CLSTN2: variants seen among roughly 807,000 people sequenced by gnomAD.
CLSTN2 encodes the protein calsyntenin 2, also known as calsyntenin-2.
A neutral mutation model predicts 101.2 loss-of-function variants in CLSTN2; 48 were observed. That is an observed-to-expected ratio of 0.47 (90% CI 0.38 to 0.60). The LOEUF (loss-of-function observed/expected upper bound fraction) is 0.60, where lower values mean the gene tolerates loss of function less well. Ranked by LOEUF, CLSTN2 falls within the 20% of genes least tolerant of loss-of-function variation. CLSTN2 has a pLI of 0.00. For synonymous variants in CLSTN2, 481 were observed against 463.6 expected (o/e 1.04, Z -0.48); for missense variants, 1,160 against 1,238.2 (o/e 0.94, Z 0.95).
At chr3:140,185,523 CA>C (rs2010473504) in intron 2 of CLSTN2, among the ~76,000 whole-genome samples, 2 of 152,116 alleles carry the variant, frequency 1.3e-5, no homozygotes, top group Admixed American at 1.3e-4. Flanking sequence ...GGTCAAATTT[CA>C]AGCCCCATGA....
chr3:140,558,785 A>T lies in CLSTN2; in HGVS notation c.1969A>T (p.Thr657Ser), dbSNP rs1208132779. The T allele has an allele frequency of 6.2e-7, 1 of 1,613,910 alleles. No individual in the cohort carries two copies. The highest frequency in any genetic ancestry group is 2.2e-5 in the East Asian group (1 of 44,862). ...AAQFESARGV[T>S]LFPDIKIVST... is the part of the protein sequence containing the mutation. ...CCAGTTTGAAAGTGCCAGGGGAGTG[A>T]CCCTCTTCCCTGATATCAAGATTGT... The change falls in exon 12 of 17, where the codon ACC becomes TCC. Residue 657 changes from threonine to serine, a missense_variant. Physicochemically the swap from Thr to Ser is moderately conservative, Grantham distance 58. Coordinates refer to ENST00000458420, the MANE Select transcript of CLSTN2 (RefSeq NM_022131.3).
At chr3:140,077,093 C>T (rs1340633538) in intron 1 of CLSTN2, among the ~76,000 whole-genome samples, 1 of 152,124 alleles carries the variant, frequency 6.6e-6, no homozygotes, top group East Asian at 1.9e-4. Context: ...CAAATTCTCT[C>T]AATGAAATGG....
chr3:140,442,924 G>T (rs548780313), intron 5 of CLSTN2, among the ~76,000 whole-genome samples: 3 of 151,846 alleles, frequency 2.0e-5, no homozygotes, highest in East Asian at 1.9e-4. Flanking sequence ...GCTGAGCAAA[G>T]GTACCCTCCT....
At chr3:140,462,231 A>G (rs1933581508) in intron 7 of CLSTN2, among the ~76,000 whole-genome samples, 1 of 152,204 alleles carries the variant, frequency 6.6e-6, no homozygotes. Flanking sequence ...ATATAACATT[A>G]TCTCCACATC....
intron 1 of CLSTN2, among the ~76,000 whole-genome samples, chr3:139,979,958 G>GT (rs1935887988): frequency 1.3e-5 from 2 of 151,930 alleles, no homozygotes; most frequent in South Asian, 4.2e-4. Flanking sequence ...ACTCTTGTCT[G>GT]TTTCTCTCAC....
At chr3:140,103,565 G>A (rs537617444) in intron 1 of CLSTN2, among the ~76,000 whole-genome samples, 9 of 152,186 alleles carry the variant, frequency 5.9e-5, no homozygotes, top group Admixed American at 3.3e-4. Context: ...TATTTTTCAG[G>A]GTCCTTTTGA....
intron 1 of CLSTN2, among the ~76,000 whole-genome samples, chr3:140,172,747 CA>C (rs1173896387): frequency 6.6e-6 from 1 of 152,134 alleles, no homozygotes; most frequent in Non-Finnish European, 1.5e-5. Flanking sequence ...ACATGCATGG[CA>C]ACAGGCAAAG....
chr3:140,261,702 G>A (rs965459506), intron 2 of CLSTN2, among the ~76,000 whole-genome samples: 11 of 151,478 alleles, frequency 7.3e-5, no homozygotes, highest in South Asian at 2.1e-4. Flanking sequence ...CATATTGTAC[G>A]TGTGTGTGTG....
rs1160839755 is a variant in CLSTN2 at position 140,566,342 on chromosome 3, G to A, written c.*89G>A. On this transcript the variant is annotated 3_prime_UTR_variant, in exon 17 of 17. Transcript: ENST00000458420. ...ATGTCTATCATACCTCACCTCTGAT[G>A]TCTGTGACATGTCTGGGAAGGCCTT... The A allele has an allele frequency of 6.1e-6, 8 of 1,310,966 alleles. No homozygotes were observed. The highest frequency in any genetic ancestry group is 8.5e-6 in the Non-Finnish European group (8 of 937,418). 81.2% of individuals were successfully genotyped at this position (1,310,966 alleles called of 1,614,324 possible).
chr3:140,312,477 G>T (rs963716340), intron 2 of CLSTN2, among the ~76,000 whole-genome samples: 12 of 152,176 alleles, frequency 7.9e-5, no homozygotes, highest in African/African-American at 2.9e-4. Flanking sequence ...GACAGCCATG[G>T]TTATCATCTT....
In CLSTN2 at chr3:139,954,964, G is replaced by A. The variant is rs140234712; in HGVS notation, c.109+19481G>A. Among the ~76,000 whole-genome samples, 274 of 151,758 alleles carry A rather than the reference G, an allele frequency of 1.8e-3. 1 individual carries two copies. The highest frequency in any genetic ancestry group is 6.3e-3 in the African/African-American group (261 of 41,366). ...CACATGGCCCAGCTTAAATGGATGG[G>A]ATTTAGTATCTTTTACTTTTTTGAC... On this transcript the variant is annotated intron_variant, in intron 1 of 16. Coordinates refer to ENST00000458420, the MANE Select transcript of CLSTN2 (RefSeq NM_022131.3).
At chr3:140,207,924 G>T (rs1305569372) in intron 2 of CLSTN2, among the ~76,000 whole-genome samples, 1 of 151,972 alleles carries the variant, frequency 6.6e-6, no homozygotes, top group African/African-American at 2.4e-5. Flanking sequence ...TTCTTGTTTT[G>T]TAAGTTTAAT....
chr3:140,212,512 C>T (rs1298308192), intron 2 of CLSTN2, among the ~76,000 whole-genome samples: 5 of 152,182 alleles, frequency 3.3e-5, no homozygotes, highest in Non-Finnish European at 5.9e-5. Context: ...GAGAACCACC[C>T]AAAGCCTCTC....
intron 1 of CLSTN2, among the ~76,000 whole-genome samples, chr3:140,098,752 T>C (rs2107789002): frequency 6.6e-6 from 1 of 152,354 alleles, no homozygotes; most frequent in Non-Finnish European, 1.5e-5. Flanking sequence ...AAATATCTTA[T>C]TCTATGGGAT....
At chr3:140,474,527 GA>G (rs1252622323) in intron 8 of CLSTN2, among the ~76,000 whole-genome samples, 9 of 152,150 alleles carry the variant, frequency 5.9e-5, no homozygotes, top group Non-Finnish European at 4.4e-5. Flanking sequence ...ACAAGAAGTG[GA>G]AAAGAAACCT....
At chr3:140,410,115 T>C (rs1157306838) in intron 4 of CLSTN2, among the ~76,000 whole-genome samples, 1 of 151,888 alleles carries the variant, frequency 6.6e-6, no homozygotes, top group African/African-American at 2.4e-5. Flanking sequence ...AAGAAAGAGG[T>C]AGAAAGCTTA....
intron 1 of CLSTN2, among the ~76,000 whole-genome samples, chr3:139,982,707 A>G (rs923716348): frequency 6.6e-6 from 1 of 152,176 alleles, no homozygotes; most frequent in African/African-American, 2.4e-5. Flanking sequence ...TAAAGTCTCA[A>G]ATCAGCCCTT....
At chr3:140,551,284 A>G (rs942221401) in intron 10 of CLSTN2, among the ~76,000 whole-genome samples, 5 of 152,128 alleles carry the variant, frequency 3.3e-5, no homozygotes, top group African/African-American at 1.2e-4. Context: ...TTTTGTGATT[A>G]AGGAAATTCT....
At chr3:140,234,980 A>G (rs1261715190) in intron 2 of CLSTN2, among the ~76,000 whole-genome samples, 1 of 151,700 alleles carries the variant, frequency 6.6e-6, no homozygotes, top group Non-Finnish European at 1.5e-5. Flanking sequence ...AGCTCACACA[A>G]CTCCAGAAGA....
Sources: gnomAD v4.1 joint callset for allele counts (sites outside exome capture counted in the v4.1 genomes callset) on GRCh38, gnomAD v4.1.1 for gene constraint, MANE v1.5 for transcripts, NCBI Gene and HGNC (gene_info 2026-07-23, HGNC 2026-07-21) for gene names.